Variants in ARHGAP42 observed in about 807,000 individuals in gnomAD.
The protein encoded by ARHGAP42 is Rho GTPase activating protein 42.
Under a neutral mutation model 125.0 loss-of-function variants are expected in ARHGAP42, and 63 were observed. The ratio of observed to expected loss-of-function variants is 0.50; its 90% CI spans 0.41 to 0.62. The LOEUF (loss-of-function observed/expected upper bound fraction) is 0.62. ARHGAP42 is among the 20% of genes least tolerant of loss of function. The pLI is 0.00. For synonymous variants in ARHGAP42, 339 were observed against 351.0 expected (o/e 0.97, Z 0.38); for missense variants, 766 against 1,024.2 (o/e 0.75, Z 3.44).
At chr11:100,933,538 T>A (rs1374262734) in intron 7 of ARHGAP42, among the ~76,000 whole-genome samples, 2 of 152,200 alleles carry the variant, frequency 1.3e-5, no homozygotes, top group East Asian at 3.9e-4. Flanking sequence ...TGCAGTATGG[T>A]GGCTCTAGGT....
intron 4 of ARHGAP42, among the ~76,000 whole-genome samples, chr11:100,865,731 C>G (rs1167818404): frequency 6.6e-6 from 1 of 152,162 alleles, no homozygotes; most frequent in Non-Finnish European, 1.5e-5. Flanking sequence ...GTTATGTCAA[C>G]AAATCAATGT....
In ARHGAP42 at chr11:100,992,726, A is replaced by T. The variant is rs750014737; in HGVS notation, c.*3925A>T. On this transcript the variant is annotated 3_prime_UTR_variant, in exon 24 of 24. Coordinates refer to ENST00000298815, the MANE Select transcript of ARHGAP42 (RefSeq NM_152432.4). The stretch of plus-strand genomic sequence containing the variant: ...TGGACTTTTAGAGGATCAAATCAAT[A>T]AATTGGATTTTTTATTTTTTGAGGG... 1 of 1,532,212 alleles carries T rather than the reference A, an allele frequency of 6.5e-7. No individual in the cohort carries two copies. Among genetic ancestry groups the T allele is most frequent in the Non-Finnish European group, 8.7e-7 (1 of 1,143,716 alleles). The allele number at this position is 1,532,212 out of a possible 1,614,324, so 94.9% of individuals were successfully genotyped here. A position where few individuals can be genotyped will look rare whatever the true frequency, so the allele number is the denominator to read the frequency against.
chr11:100,834,130 A>G (rs1349840643), intron 3 of ARHGAP42, among the ~76,000 whole-genome samples: 1 of 152,168 alleles, frequency 6.6e-6, no homozygotes, highest in Non-Finnish European at 1.5e-5. Flanking sequence ...TTACAGTTAT[A>G]TGAAATACAT....
At chr11:100,985,884 G>A (rs188279097) in intron 22 of ARHGAP42, among the ~76,000 whole-genome samples, 15 of 152,292 alleles carry the variant, frequency 9.8e-5, no homozygotes, top group Non-Finnish European at 1.8e-4. Flanking sequence ...AGCTCCAACA[G>A]GGAAATGAAA....
chr11:100,749,346 G>A (rs920919920), intron 1 of ARHGAP42, among the ~76,000 whole-genome samples: 1 of 151,682 alleles, frequency 6.6e-6, no homozygotes, highest in Non-Finnish European at 1.5e-5. Context: ...GTCTCGCCTT[G>A]CCTGTCCCAG....
At chr11:100,699,240 C>G (rs1323209085) in intron 1 of ARHGAP42, among the ~76,000 whole-genome samples, 1 of 151,740 alleles carries the variant, frequency 6.6e-6, no homozygotes, top group African/African-American at 2.4e-5. Context: ...TTCTTTTCCT[C>G]CAGCTTGTTC....
intron 1 of ARHGAP42, among the ~76,000 whole-genome samples, chr11:100,712,671 G>A (rs183062626): frequency 1.3e-5 from 2 of 152,304 alleles, no homozygotes; most frequent in East Asian, 1.9e-4. Flanking sequence ...ATGCATGTGC[G>A]TGTGTTTGTG....
In ARHGAP42 at chr11:100,913,423, T is replaced by C. The variant is rs1432823696; in HGVS notation, c.385-29T>C. On this transcript the variant is annotated intron_variant, in intron 4 of 23. Transcript: ENST00000298815. Reference sequence around the variant, plus strand: ...GGTTTTCTGGGTGCTCTGAGTTAAATATTTTTTGTTGTTATTGCTCTCCTT... The same window carrying C: ...GGTTTTCTGGGTGCTCTGAGTTAAACATTTTTTGTTGTTATTGCTCTCCTT... The C allele has an allele frequency of 7.2e-6, 8 of 1,107,728 alleles. No individual in the cohort carries two copies. The Admixed American group carries it at 2.8e-4, about 39-fold the overall frequency. The allele number at this position is 1,107,728 out of a possible 1,614,324, so 68.6% of individuals were successfully genotyped here. A position where few individuals can be genotyped will look rare whatever the true frequency, so the allele number is the denominator to read the frequency against.
chr11:100,932,740 C>T (rs1773196073), intron 6 of ARHGAP42, among the ~76,000 whole-genome samples: 1 of 152,134 alleles, frequency 6.6e-6, no homozygotes, highest in South Asian at 2.1e-4. Flanking sequence ...CATTCCTTCC[C>T]TTGGGTACTT....
chr11:100,836,433 G>A (rs1434112108), intron 3 of ARHGAP42, among the ~76,000 whole-genome samples: 1 of 152,022 alleles, frequency 6.6e-6, no homozygotes, highest in Non-Finnish European at 1.5e-5. Context: ...TCAATTTCTA[G>A]GTCTGAAATT....
intron 15 of ARHGAP42, 114 bp from the exon 16 acceptor site, chr11:100,962,295 A>C: frequency 3.5e-6 from 3 of 845,970 alleles, no homozygotes; most frequent in Non-Finnish European, 1.8e-6. Context: ...TTTATGTGTT[A>C]TTTTATTTTT....
chr11:100,826,934 G>C (rs1381452560), intron 3 of ARHGAP42, among the ~76,000 whole-genome samples: 1 of 151,794 alleles, frequency 6.6e-6, no homozygotes, highest in Non-Finnish European at 1.5e-5. Context: ...AAAAAGAGGA[G>C]GGTGGCAACG....
At chr11:100,808,872 G>A (rs1235605952) in intron 3 of ARHGAP42, among the ~76,000 whole-genome samples, 2 of 151,876 alleles carry the variant, frequency 1.3e-5, no homozygotes, top group African/African-American at 2.4e-5. Flanking sequence ...CCTTTTTCCT[G>A]GAATCAGGAT....
chr11:100,863,064 AC>A (rs1865483648), intron 4 of ARHGAP42, among the ~76,000 whole-genome samples: 1 of 21,158 alleles, frequency 4.7e-5, no homozygotes, highest in African/African-American at 1.2e-4. Flanking sequence ...CACAAAACAC[AC>A]ACACACACAC....
chr11:100,942,139 T>A (rs1178579574), intron 9 of ARHGAP42, among the ~76,000 whole-genome samples: 1 of 152,096 alleles, frequency 6.6e-6, no homozygotes, highest in Non-Finnish European at 1.5e-5. Context: ...ATTACAGAGG[T>A]GTCATCTCAC....
rs78635072 is a variant in ARHGAP42, at chr11:100,906,273, G to A, written c.385-7179G>A. Among the ~76,000 whole-genome samples, 91 of 152,142 alleles carry A rather than the reference G, an allele frequency of 6.0e-4. 2 individuals are homozygous for A. The East Asian group carries it at 0.017, about 28-fold the overall frequency. ...AGAATTTTTGAGGCCTTACACATTT[G>A]TAAATATTTTTATTTTACCCTCAAC... On this transcript the variant is annotated intron_variant, in intron 4 of 23. Coordinates refer to ENST00000298815, the MANE Select transcript of ARHGAP42 (RefSeq NM_152432.4).
chr11:100,958,307 G>A (rs923156389), intron 12 of ARHGAP42, among the ~76,000 whole-genome samples: 1 of 152,000 alleles, frequency 6.6e-6, no homozygotes, highest in African/African-American at 2.4e-5. Context: ...CTCTCATGTA[G>A]GTAGGTCATT....
At chr11:100,916,417 CAGAA>C (rs1867067515) in intron 5 of ARHGAP42, among the ~76,000 whole-genome samples, 1 of 152,064 alleles carries the variant, frequency 6.6e-6, no homozygotes, top group African/African-American at 2.4e-5. Context: ...AAATCAGTGT[CAGAA>C]AGGTAAACAC....
intron 2 of ARHGAP42, among the ~76,000 whole-genome samples, chr11:100,790,867 T>A (rs1355981053): frequency 2.6e-5 from 4 of 152,186 alleles, no homozygotes; most frequent in African/African-American, 9.7e-5. Context: ...CAAAACCAGA[T>A]AATAAAGTAG....
Sources: allele counts gnomAD v4.1 joint callset (sites outside exome capture counted in the v4.1 genomes callset), GRCh38; gene constraint gnomAD v4.1.1; transcripts MANE v1.5; gene names NCBI Gene and HGNC (gene_info 2026-07-23, HGNC 2026-07-21).